The following CLNK variants were observed in gnomAD, a reference collection of about 807,000 sequenced individuals.
CLNK encodes cytokine dependent hematopoietic cell linker, also known as cytokine-dependent hematopoietic cell linker.
Under a neutral mutation model 68.6 loss-of-function variants are expected in CLNK, and 74 were observed. That is an observed-to-expected ratio of 1.08 (90% CI 0.89 to 1.31). CLNK has a LOEUF of 1.31. CLNK is among the 50% of genes most tolerant of loss of function. The probability of loss-of-function intolerance (pLI) is 0.00; values close to 1 mark genes in which losing one functional copy is unlikely to be tolerated. For missense variants in CLNK, 553 were observed against 515.3 expected, an observed-to-expected ratio of 1.07 and a Z score of -0.71; for synonymous variants, 198 against 172.2, an observed-to-expected ratio of 1.15 and a Z score of -1.17.
chr4:10,681,766 C>T (rs1725099572), intron 1 of CLNK, among the ~76,000 whole-genome samples: 1 of 152,160 alleles, frequency 6.6e-6, no homozygotes, highest in Admixed American at 6.5e-5. Context: ...ACTCATGGAG[C>T]ACCATGCCGA....
At chr4:10,726,559 C>G in the CLNK span, among the ~76,000 whole-genome samples, 12 of 151,612 alleles carry the variant, frequency 7.9e-5, no homozygotes, top group Admixed American at 4.0e-4. Flanking sequence ...AGGTTACACT[C>G]CTAGGTCCTG....
chr4:10,640,057 C>T (rs1350754322), intron 2 of CLNK, among the ~76,000 whole-genome samples: 2 of 152,222 alleles, frequency 1.3e-5, no homozygotes, highest in African/African-American at 4.8e-5. Flanking sequence ...AATAACACTA[C>T]AGTCTAACTT....
intron 2 of CLNK, among the ~76,000 whole-genome samples, chr4:10,666,838 G>A (rs981109140): frequency 1.3e-5 from 2 of 152,222 alleles, no homozygotes; most frequent in Admixed American, 1.3e-4. Flanking sequence ...GCTTGGCTGT[G>A]AGTCAGGTGG....
At chr4:10,604,498 T>C (rs1029313358) in intron 2 of CLNK, among the ~76,000 whole-genome samples, 2 of 152,072 alleles carry the variant, frequency 1.3e-5, no homozygotes, top group African/African-American at 4.8e-5. Flanking sequence ...TGATACACCA[T>C]GGCCTAGATG....
At chr4:10,519,357 C>G (rs936684001) in intron 15 of CLNK, among the ~76,000 whole-genome samples, 1 of 152,100 alleles carries the variant, frequency 6.6e-6, no homozygotes, top group African/African-American at 2.4e-5. Flanking sequence ...GGATTTCTCT[C>G]TAAGCTATGA....
At chr4:10,503,917 G>T (rs988594278) in intron 17 of CLNK, among the ~76,000 whole-genome samples, 2 of 149,692 alleles carry the variant, frequency 1.3e-5, no homozygotes, top group Non-Finnish European at 3.0e-5. Context: ...TGAGTAGCTG[G>T]GATAACAGGC....
At chr4:10,678,166 G>A (rs1421460109) in intron 1 of CLNK, among the ~76,000 whole-genome samples, 5 of 152,118 alleles carry the variant, frequency 3.3e-5, no homozygotes, top group African/African-American at 1.2e-4. Context: ...TAGCAAGATG[G>A]GAGACAAATC....
the CLNK span, among the ~76,000 whole-genome samples, chr4:10,695,120 G>A: frequency 6.6e-6 from 1 of 151,838 alleles, no homozygotes; most frequent in African/African-American, 2.4e-5. Context: ...TAGTAAGCAT[G>A]ATAACTATAG....
At chr4:10,658,260 T>C (rs1724056704) in intron 2 of CLNK, among the ~76,000 whole-genome samples, 1 of 152,386 alleles carries the variant, frequency 6.6e-6, no homozygotes. Context: ...TTACAATGAA[T>C]GTTCTTCATG....
At chr4:10,534,027 T>C (rs1718650699) in intron 11 of CLNK, among the ~76,000 whole-genome samples, 1 of 152,224 alleles carries the variant, frequency 6.6e-6, no homozygotes, top group South Asian at 2.1e-4. Flanking sequence ...TTTAAATGAG[T>C]TTGTTAAACA....
At chr4:10,567,182 A>G (rs1175493208) in intron 5 of CLNK, among the ~76,000 whole-genome samples, 1 of 152,114 alleles carries the variant, frequency 6.6e-6, no homozygotes, top group Non-Finnish European at 1.5e-5. Context: ...ACTTATTTCA[A>G]AAGTTACTAC....
chr4:10,650,668 G>C (rs190863385), intron 2 of CLNK, among the ~76,000 whole-genome samples: 1 of 151,928 alleles, frequency 6.6e-6, no homozygotes, highest in Non-Finnish European at 1.5e-5. Context: ...AGAAAATAAA[G>C]GCTTTTTTAG....
At chr4:10,505,508 C>G (rs1191007626) in intron 17 of CLNK, among the ~76,000 whole-genome samples, 1 of 152,188 alleles carries the variant, frequency 6.6e-6, no homozygotes, top group East Asian at 1.9e-4. Flanking sequence ...TGATGTAAAA[C>G]AGAAGCGTAT....
intron 1 of CLNK, among the ~76,000 whole-genome samples, chr4:10,674,842 A>G (rs61794271): frequency 0.18 from 27,931 of 152,204 alleles, 2,809 homozygotes; most frequent in Non-Finnish European, 0.23. Flanking sequence ...ATTTATGAGT[A>G]AGAACATGTG....
At chr4:10,633,588 G>A (rs577937127) in intron 2 of CLNK, among the ~76,000 whole-genome samples, 3 of 152,316 alleles carry the variant, frequency 2.0e-5, no homozygotes, top group Non-Finnish European at 2.9e-5. Context: ...AGGAACATCT[G>A]AGCCTAGAAC....
chr4:10,643,281 C>G (rs1311905368), intron 2 of CLNK, among the ~76,000 whole-genome samples: 2 of 152,232 alleles, frequency 1.3e-5, no homozygotes, highest in East Asian at 3.8e-4. Context: ...TTCTGTTCAA[C>G]TTTTAATCAA....
At chr4:10,504,782 G>C (rs986060126) in intron 17 of CLNK, among the ~76,000 whole-genome samples, 11 of 152,148 alleles carry the variant, frequency 7.2e-5, no homozygotes, top group Non-Finnish European at 1.6e-4. Flanking sequence ...ATAAATCTGA[G>C]TAATGCTGAA....
At chr4:10,492,307 A>G (rs1397218373) in intron 18 of CLNK, among the ~76,000 whole-genome samples, 1 of 152,176 alleles carries the variant, frequency 6.6e-6, no homozygotes, top group East Asian at 1.9e-4. Context: ...TAGAGATGAC[A>G]TAGCCTGAAG....
chr4:10,649,535 A>G (rs1208465614), intron 2 of CLNK, among the ~76,000 whole-genome samples: 1 of 152,176 alleles, frequency 6.6e-6, no homozygotes, highest in Non-Finnish European at 1.5e-5. Context: ...CAGAAGAGTG[A>G]CGGAAAGGAG....
Sources: gnomAD v4.1 joint callset for allele counts (sites outside exome capture counted in the v4.1 genomes callset) on GRCh38, gnomAD v4.1.1 for gene constraint, MANE v1.5 for transcripts, NCBI Gene and HGNC (gene_info 2026-07-23, HGNC 2026-07-21) for gene names.